Variants in GRK4 observed in about 807,000 individuals in gnomAD.
GRK4 encodes G protein-coupled receptor kinase 2-like.
In GRK4, 73 loss-of-function variants were observed where a neutral mutation model predicts 77.9. The ratio of observed to expected loss-of-function variants is 0.94; its 90% CI spans 0.78 to 1.14. The LOEUF is 1.14. GRK4 is among the 50% of genes most tolerant of loss of function. The pLI is 0.00. For synonymous variants in GRK4, 257 were observed against 254.4 expected (o/e 1.01, Z -0.10); for missense variants, 729 against 700.2 (o/e 1.04, Z -0.46).
rs562473182 is a variant in GRK4 at position 2,965,494 on chromosome 4, C to G, written c.52+1372C>G. 4.3e-6 allele frequency: 3 copies of G among 702,564 alleles called. No homozygotes were observed. The African/African-American group carries it at 5.2e-5, about 12-fold the overall frequency. The allele number at this position is 702,564 out of a possible 1,614,324, so 43.5% of individuals were successfully genotyped here. A position where few individuals can be genotyped will look rare whatever the true frequency, so the allele number is the denominator to read the frequency against. ...GGAGCAGCTCTGCTCGGACTGTGCTCCAGGACAGTGTAAATGCCGACTGAA... is the reference window on the plus strand; with the variant it reads ...GGAGCAGCTCTGCTCGGACTGTGCTGCAGGACAGTGTAAATGCCGACTGAA... On this transcript the variant is annotated intron_variant, in intron 1 of 15. Transcript: ENST00000398052.
At chr4:3,033,136 A>C (rs1739614800) in intron 12 of GRK4, among the ~76,000 whole-genome samples, 1 of 152,132 alleles carries the variant, frequency 6.6e-6, no homozygotes, top group Admixed American at 6.5e-5. Flanking sequence ...TAATCTTAGC[A>C]CTTTGGGAGG....
intron 8 of GRK4, among the ~76,000 whole-genome samples, chr4:3,014,377 G>A (rs570335229): frequency 7.2e-4 from 108 of 149,862 alleles, no homozygotes; most frequent in Non-Finnish European, 1.2e-3. Flanking sequence ...GGTCACTGCA[G>A]CCTCAACCTT....
intron 2 of GRK4, among the ~76,000 whole-genome samples, chr4:2,986,639 C>G (rs1403778773): frequency 6.6e-6 from 1 of 152,018 alleles, no homozygotes; most frequent in Non-Finnish European, 1.5e-5. Context: ...CAGACCTGAG[C>G]CACCGCGCCT....
chr4:3,040,494 G>C, intron 15 of GRK4, 78 bp from the exon 16 acceptor site: 2 of 1,195,056 alleles, frequency 1.7e-6, no homozygotes, highest in Admixed American at 5.2e-5. Flanking sequence ...CCAAAAGTTT[G>C]TAAATGGTTG....
Position 3,029,304 on chromosome 4 carries a change from A to T in GRK4, c.1164A>T (p.Lys388Asn). ...TTCAGGGACATTCTCCATTCAAAAAATACAAAGAGAAAGTCAAATGGGAGG... is the reference window on the plus strand; with the variant it reads ...TTCAGGGACATTCTCCATTCAAAAATTACAAAGAGAAAGTCAAATGGGAGG... ...EMIQGHSPFKKYKEKVKWEEV... is the reference protein window; with the variant it reads ...EMIQGHSPFKNYKEKVKWEEV... Residue 388 changes from lysine to asparagine, a missense_variant, in exon 12 of 16, where the codon AAA (lysine) becomes AAT (asparagine). Coordinates refer to ENST00000398052, the MANE Select transcript of GRK4 (RefSeq NM_182982.3). 6.2e-7 allele frequency: 1 copy of T among 1,614,118 alleles called. No homozygotes were observed. The highest frequency in any genetic ancestry group is 8.5e-7 in the Non-Finnish European group (1 of 1,179,934).
intron 6 of GRK4, among the ~76,000 whole-genome samples, 161 bp from the exon 7 acceptor site, chr4:3,009,487 G>C (rs1394082157): frequency 2.0e-5 from 3 of 151,462 alleles, no homozygotes; most frequent in African/African-American, 4.9e-5. Context: ...TATCCTGCTA[G>C]AGGGAGCCAC....
At chr4:3,011,340 G>T (rs2109892710) in intron 7 of GRK4, among the ~76,000 whole-genome samples, 1 of 152,236 alleles carries the variant, frequency 6.6e-6, no homozygotes, top group African/African-American at 2.4e-5. Flanking sequence ...TAGCACTTCG[G>T]GAGGCCAAGG....
chr4:3,014,013 T>G (rs1277259879), intron 8 of GRK4, among the ~76,000 whole-genome samples, 185 bp downstream of exon 8: 1 of 152,198 alleles, frequency 6.6e-6, no homozygotes, highest in African/African-American at 2.4e-5. Flanking sequence ...TCTTTCTTAT[T>G]CAAACCTTAG....
intron 10 of GRK4, among the ~76,000 whole-genome samples, chr4:3,024,990 G>T (rs879478732): frequency 1.3e-5 from 2 of 152,052 alleles, no homozygotes; most frequent in East Asian, 3.9e-4. Context: ...TCACTCAGAG[G>T]CCGGGCACAG....
intron 3 of GRK4, among the ~76,000 whole-genome samples, chr4:2,990,776 C>T (rs907339968): frequency 6.6e-6 from 1 of 152,138 alleles, no homozygotes; most frequent in Non-Finnish European, 1.5e-5. Flanking sequence ...TGTCATGATA[C>T]CTGTCGTTAT....
chr4:3,009,570 A>G, intron 6 of GRK4, 78 bp from the exon 7 acceptor site: 1 of 1,072,126 alleles, frequency 9.3e-7, no homozygotes, highest in Non-Finnish European at 1.4e-6. Context: ...TGAGGCGAAG[A>G]CAAGCGCTGA....
intron 4 of GRK4, among the ~76,000 whole-genome samples, chr4:2,998,240 C>T (rs1043385036): frequency 5.9e-5 from 9 of 152,126 alleles, no homozygotes; most frequent in African/African-American, 1.7e-4. Flanking sequence ...CACCTGTAAT[C>T]CCAGCTACTT....
chr4:2,976,233 G>GT (rs1030734196), intron 1 of GRK4, among the ~76,000 whole-genome samples: 17 of 145,108 alleles, frequency 1.2e-4, no homozygotes, highest in South Asian at 9.0e-4. Context: ...CTTCTTCCTT[G>GT]TTTTTTTTTC....
intron 4 of GRK4, among the ~76,000 whole-genome samples, chr4:2,998,273 C>G (rs910193219): frequency 1.3e-5 from 2 of 151,908 alleles, no homozygotes; most frequent in African/African-American, 4.8e-5. Flanking sequence ...AGGAGAATTG[C>G]TTGAACCCGG....
At position 3,029,358 on chromosome 4, in the gene GRK4, C is replaced by G; in HGVS notation, c.1218C>G (p.Thr406=). The G allele has an allele frequency of 3.7e-6, 6 of 1,614,026 alleles. No homozygotes were observed. Among genetic ancestry groups the G allele is most frequent in the Non-Finnish European group, 5.1e-6 (6 of 1,179,980 alleles). The change falls in exon 12 of 16, where the codon ACC becomes ACG. Residue 406 remains threonine, a synonymous_variant. Transcript: ENST00000398052. ...TCGATCAAAGAATCAAGAATGATAC[C>G]GAGGAGTATTCTGAGAAGTTTTCAG... ...EEVDQRIKND[T]EEYSEKFSED...
At chr4:3,006,788 G>A (rs927606746) in intron 5 of GRK4, among the ~76,000 whole-genome samples, 1 of 151,910 alleles carries the variant, frequency 6.6e-6, no homozygotes, top group Non-Finnish European at 1.5e-5. Context: ...AAGAGATGTT[G>A]GCTCCATGGC....
At chr4:2,985,695 G>A in intron 2 of GRK4, 1 of 301,076 alleles carries the variant, frequency 3.3e-6, no homozygotes, top group South Asian at 2.7e-5. Flanking sequence ...CCTAACATGA[G>A]CCTAAGGAGT....
rs1389013854 is a variant in GRK4, at chr4:2,995,028, G to A, written c.339+2736G>A. Among the ~76,000 whole-genome samples the A allele has an allele frequency of 4.6e-5, 7 of 152,130 alleles. No individual in the cohort carries two copies. In the East Asian group the frequency reaches 1.3e-3, roughly 29 times the overall value. ...AGCTCCCACTCTTAAGTAAGAATAT[G>A]TGGTATTTGGTTTTCTGTTCCTGTG... On this transcript the variant is annotated intron_variant, in intron 4 of 15. Coordinates refer to ENST00000398052, the MANE Select transcript of GRK4 (RefSeq NM_182982.3).
chr4:3,009,515 A>G (rs927834684), intron 6 of GRK4, 133 bp from the exon 7 acceptor site: 1 of 603,018 alleles, frequency 1.7e-6, no homozygotes, highest in Non-Finnish European at 3.0e-6. Context: ...GAGCACAGAC[A>G]CCCTTTGTCC....
Sources: allele counts gnomAD v4.1 joint callset (sites outside exome capture counted in the v4.1 genomes callset), GRCh38; gene constraint gnomAD v4.1.1; transcripts MANE v1.5; gene names NCBI Gene and HGNC (gene_info 2026-07-23, HGNC 2026-07-21).